Variants in AK8 observed in about 807,000 individuals in gnomAD.
AK8 encodes the protein adenylate kinase 8.
Under a neutral mutation model 54.6 loss-of-function variants are expected in AK8, and 44 were observed. The ratio of observed to expected loss-of-function variants is 0.81; its 90% CI spans 0.63 to 1.04. The LOEUF (loss-of-function observed/expected upper bound fraction) is 1.04. Among genes scored for constraint, AK8 ranks in the 50% least tolerant of loss-of-function variants. The pLI, the probability that AK8 is intolerant of heterozygous loss-of-function variation, is 0.00. For missense variants in AK8, 555 were observed against 613.6 expected (o/e 0.90, Z 1.01); for synonymous variants, 239 against 245.6 (o/e 0.97, Z 0.25).
At chr9:132,813,290 T>C (rs761634130) in intron 10 of AK8, among the ~76,000 whole-genome samples, 43 of 152,062 alleles carry the variant, frequency 2.8e-4, no homozygotes, top group Middle Eastern at 3.4e-3. Context: ...GACTAGGACA[T>C]CTTAAGGAGG....
chr9:132,824,059 A>T (rs1032310916), intron 8 of AK8, among the ~76,000 whole-genome samples: 1 of 152,168 alleles, frequency 6.6e-6, no homozygotes. Flanking sequence ...GTCTCCAACA[A>T]TGAGGCCACC....
intron 9 of AK8, among the ~76,000 whole-genome samples, chr9:132,821,757 ATATACATATATGTATATGTGTATG>A (rs1841635543): frequency 8.0e-6 from 1 of 125,210 alleles, no homozygotes; most frequent in African/African-American, 3.6e-5. Flanking sequence ...ATATACAAAT[ATATACATATATGTATATGTGTATG>A]TATATACAAA....
At chr9:132,805,797 T>C (rs1840694954) in intron 10 of AK8, among the ~76,000 whole-genome samples, 1 of 152,066 alleles carries the variant, frequency 6.6e-6, no homozygotes. Context: ...GCTTTCTCTC[T>C]GGCTGAAAAA....
At chr9:132,796,770 TACACACACACACACACAC>T (rs10590924) in intron 10 of AK8, among the ~76,000 whole-genome samples, 53 of 142,412 alleles carry the variant, frequency 3.7e-4, no homozygotes, top group South Asian at 1.4e-3. Context: ...ACATACATGC[TACACACACACACACACAC>T]ACACACACAC....
chr9:132,818,788 C>T (rs752673560), intron 9 of AK8, among the ~76,000 whole-genome samples: 9 of 151,486 alleles, frequency 5.9e-5, no homozygotes, highest in Non-Finnish European at 1.2e-4. Flanking sequence ...TTTGAGGGTG[C>T]AACGAGCTAT....
intron 11 of AK8, among the ~76,000 whole-genome samples, chr9:132,773,412 T>C (rs2131097677): frequency 6.6e-6 from 1 of 152,274 alleles, no homozygotes; most frequent in Middle Eastern, 3.4e-3. Context: ...CTGCCCGTCT[T>C]CCCTATTCCC....
At chr9:132,822,681 T>C (rs1419837567) in intron 9 of AK8, among the ~76,000 whole-genome samples, 1 of 152,158 alleles carries the variant, frequency 6.6e-6, no homozygotes, top group Non-Finnish European at 1.5e-5. Flanking sequence ...CCTGGAGAGC[T>C]GATTTCAATA....
At chr9:132,846,322 C>T (rs1467606436) in intron 5 of AK8, among the ~76,000 whole-genome samples, 1 of 152,236 alleles carries the variant, frequency 6.6e-6, no homozygotes, top group African/African-American at 2.4e-5. Context: ...TGCCAAGCCT[C>T]TCTTCCAGCT....
intron 5 of AK8, among the ~76,000 whole-genome samples, chr9:132,850,664 C>T (rs1842938245): frequency 6.6e-6 from 1 of 152,184 alleles, no homozygotes; most frequent in African/African-American, 2.4e-5. Context: ...TCCCAAAATA[C>T]TGGGATTACA....
chr9:132,869,385 G>GTGCCGCCATCAACCATGC (rs1405981107), intron 2 of AK8, among the ~76,000 whole-genome samples: 45 of 152,302 alleles, frequency 3.0e-4, no homozygotes, highest in East Asian at 1.2e-3. Context: ...TGTGGGCATG[G>GTGCCGCCATCAACCATGC]TGCCGCCATC....
chr9:132,877,652 C>A (rs1358892231), intron 1 of AK8: 2 of 350,768 alleles, frequency 5.7e-6, no homozygotes, highest in Admixed American at 3.7e-5. Context: ...GGACGTCTGG[C>A]CCTGAGGAGG....
rs554382937 is a variant in AK8 at position 132,807,540 on chromosome 9, C to T, written c.979+7098G>A. 2.6e-5 allele frequency among the ~76,000 whole-genome samples: 4 copies of T among 152,342 alleles called. No homozygotes were observed. The South Asian group carries it at 8.3e-4, about 32-fold the overall frequency. ...GCAACTCATGAGAACGAGAACAGTTCCTTGGGCCAGGGCAGAAGCCAAGCC... is the reference window on the plus strand; with the variant it reads ...GCAACTCATGAGAACGAGAACAGTTTCTTGGGCCAGGGCAGAAGCCAAGCC... On this transcript the variant is annotated intron_variant, in intron 10 of 12. Transcript: ENST00000298545.
At chr9:132,844,577 G>T (rs548919295) in intron 5 of AK8, among the ~76,000 whole-genome samples, 1 of 152,202 alleles carries the variant, frequency 6.6e-6, no homozygotes, top group Non-Finnish European at 1.5e-5. Context: ...CACATAATTA[G>T]AAGTCTAACC....
chr9:132,876,091 C>G (rs1056617980), intron 1 of AK8, among the ~76,000 whole-genome samples: 7 of 152,172 alleles, frequency 4.6e-5, no homozygotes, highest in Non-Finnish European at 8.8e-5. Flanking sequence ...CTGTAGCCCT[C>G]TTGGAGTGAA....
rs1294723393 is a variant in AK8 at position 132,725,865 on chromosome 9, G to A, written c.1263C>T (p.Asn421=). 2 of 1,611,070 alleles carry A rather than the reference G, an allele frequency of 1.2e-6. No homozygotes were observed. Among genetic ancestry groups the A allele is most frequent in the South Asian group, 2.2e-5 (2 of 89,964 alleles). The change falls in exon 13 of 13, where the codon AAC becomes AAT. Residue 421 remains asparagine (N), a synonymous_variant. Transcript: ENST00000298545. The part of the protein sequence containing the change: ...TMEIQARLLQ[N]PKDAEEQVKL... ...TGACCTGCTCTTCAGCATCCTTTGG[G>A]TTCTGCAGGAGGCGAGCCTGGATCT...
chr9:132,846,992 G>A (rs1030828742), intron 5 of AK8, among the ~76,000 whole-genome samples: 3 of 152,324 alleles, frequency 2.0e-5, no homozygotes, highest in East Asian at 1.9e-4. Context: ...CTCCCGGGCC[G>A]AGATAGAGAG....
At chr9:132,815,335 C>T (rs1480104704) in intron 9 of AK8, among the ~76,000 whole-genome samples, 1 of 152,122 alleles carries the variant, frequency 6.6e-6, no homozygotes, top group Non-Finnish European at 1.5e-5. Flanking sequence ...GGGCAGATCA[C>T]TTAAGATCAG....
chr9:132,837,401 G>A lies in AK8; in HGVS notation c.403-8675C>T, dbSNP rs1023349013. Among the ~76,000 whole-genome samples, 2 of 151,856 alleles carry A rather than the reference G, an allele frequency of 1.3e-5. No individual in the cohort carries two copies. Among genetic ancestry groups the A allele is most frequent in the Non-Finnish European group, 2.9e-5 (2 of 67,982 alleles). On this transcript the variant is annotated intron_variant, in intron 5 of 12. Transcript: ENST00000298545. The surrounding 1 kb of genome is among the most constrained non-coding windows in gnomAD (Gnocchi z 4.3). Reference sequence around the variant, plus strand: ...CCCTTCTGCTGTGGGTGCCCTGCTAGCTCTCGGGAGCAGACGTGGCACCTC... The same window carrying A: ...CCCTTCTGCTGTGGGTGCCCTGCTAACTCTCGGGAGCAGACGTGGCACCTC...
chr9:132,873,652 T>C (rs997603635), intron 2 of AK8, among the ~76,000 whole-genome samples: 4 of 152,338 alleles, frequency 2.6e-5, no homozygotes, highest in African/African-American at 9.6e-5. Context: ...TAGCTGCGTG[T>C]GGGCAGAGAT....
Sources: allele counts gnomAD v4.1 joint callset (sites outside exome capture counted in the v4.1 genomes callset), GRCh38; gene constraint gnomAD v4.1.1; non-coding constraint Gnocchi (gnomAD v3.1); transcripts MANE v1.5; gene names NCBI Gene and HGNC (gene_info 2026-07-23, HGNC 2026-07-21).